Variants in DCC observed in about 807,000 individuals in gnomAD.
DCC encodes the protein netrin receptor DCC.
In DCC, 58 loss-of-function variants were observed where a neutral mutation model predicts 172.5. The ratio of observed to expected loss-of-function variants is 0.34; its 90% confidence interval spans 0.27 to 0.42. DCC has a LOEUF of 0.42. Among genes scored for constraint, DCC ranks in the 10% least tolerant of loss-of-function variants. The pLI is 1.00. For synonymous variants in DCC, 709 were observed against 644.5 expected, an observed-to-expected ratio of 1.10 and a Z score of -1.52; for missense variants, 1,740 against 1,791.0, an observed-to-expected ratio of 0.97 and a Z score of 0.51.
At chr18:53,259,897 G>A (rs1024078939) in intron 12 of DCC, among the ~76,000 whole-genome samples, 2 of 42,728 alleles carry the variant, frequency 4.7e-5, no homozygotes, top group Non-Finnish European at 5.9e-5. Context: ...TTTCTTGGAG[G>A]CTTTGTTCTT....
At chr18:53,290,641 T>C (rs2056991874) in intron 12 of DCC, among the ~76,000 whole-genome samples, 1 of 148,040 alleles carries the variant, frequency 6.8e-6, no homozygotes, top group Non-Finnish European at 1.5e-5. Context: ...TGTGGTTTCA[T>C]AAAAAAAAAA....
chr18:52,413,294 A>G (rs1367303037), intron 1 of DCC, among the ~76,000 whole-genome samples: 5 of 151,202 alleles, frequency 3.3e-5, no homozygotes, highest in Non-Finnish European at 5.9e-5. Flanking sequence ...ACTATACTAG[A>G]TAGAAAAAGA....
At chr18:52,752,996 C>CAT (rs2037021190) in intron 2 of DCC, among the ~76,000 whole-genome samples, 1 of 147,394 alleles carries the variant, frequency 6.8e-6, no homozygotes, top group African/African-American at 2.7e-5. Flanking sequence ...TATACACACA[C>CAT]ACACATATAT....
At position 53,450,644 on chromosome 18, in the gene DCC, C is replaced by A. The variant is rs765644105; in HGVS notation, c.3374C>A (p.Ser1125Tyr). The stretch of plus-strand genomic sequence containing the variant: ...GTGGCTGTGATTTGCACCCGACGCT[C>A]TTCAGCCCAGCAGAGAAAGTAGGTA... ...VIVAVICTRR[S>Y]SAQQRKKRAT... The change falls in exon 23 of 29, where the codon TCT (serine) becomes TAT (tyrosine). Residue 1125 changes from serine to tyrosine, a missense_variant. Coordinates refer to ENST00000442544, the MANE Select transcript of DCC (RefSeq NM_005215.4). The A allele has an allele frequency of 6.2e-7, 1 of 1,613,736 alleles. No individual in the cohort carries two copies. The highest frequency in any genetic ancestry group is 1.3e-5 in the African/African-American group (1 of 75,018).
chr18:52,789,891 C>A (rs1007388079), intron 2 of DCC, among the ~76,000 whole-genome samples: 1 of 152,110 alleles, frequency 6.6e-6, no homozygotes, highest in Admixed American at 6.6e-5. Context: ...TGTCTGGGGA[C>A]CAGACCAAGA....
intron 1 of DCC, among the ~76,000 whole-genome samples, chr18:52,600,617 T>C (rs1266311090): frequency 6.6e-6 from 1 of 152,212 alleles, no homozygotes; most frequent in Non-Finnish European, 1.5e-5. Flanking sequence ...CCATTGACTC[T>C]TTTTATAGAT....
chr18:52,523,524 A>G lies in DCC; in HGVS notation c.91+182646A>G, dbSNP rs181819507. The stretch of plus-strand genomic sequence containing the variant: ...AAAAATCAAAAAATATAGAAACATA[A>G]AAAAGCATCCATTAGAAGTTTAAAT... On this transcript the variant is annotated intron_variant, in intron 1 of 28. Coordinates refer to ENST00000442544, the MANE Select transcript of DCC (RefSeq NM_005215.4). Among the ~76,000 whole-genome samples, 7 of 152,334 alleles carry G rather than the reference A, an allele frequency of 4.6e-5. No homozygotes were observed. In the East Asian group the frequency reaches 1.3e-3, roughly 29 times the overall value.
intron 5 of DCC, among the ~76,000 whole-genome samples, chr18:52,977,590 G>A (rs2041138531): frequency 6.6e-6 from 1 of 152,092 alleles, no homozygotes; most frequent in Non-Finnish European, 1.5e-5. Context: ...ATGCTTTCAA[G>A]AAAAGCATAT....
At chr18:52,801,503 C>G (rs1453395827) in intron 2 of DCC, among the ~76,000 whole-genome samples, 1 of 152,060 alleles carries the variant, frequency 6.6e-6, no homozygotes, top group East Asian at 1.9e-4. Flanking sequence ...TTAAAAATTT[C>G]CAAAAGAAGA....
intron 8 of DCC, among the ~76,000 whole-genome samples, chr18:53,166,158 A>AG (rs1264559259): frequency 6.6e-6 from 1 of 152,108 alleles, no homozygotes; most frequent in African/African-American, 2.4e-5. Context: ...ATGAATGGTG[A>AG]GGGAGTAGGG....
intron 5 of DCC, among the ~76,000 whole-genome samples, chr18:52,942,674 C>T (rs892363267): frequency 6.6e-6 from 1 of 152,084 alleles, no homozygotes; most frequent in Non-Finnish European, 1.5e-5. Flanking sequence ...TATTCACTAC[C>T]GTGAAAACAG....
chr18:52,576,625 C>T (rs1348651314), intron 1 of DCC, among the ~76,000 whole-genome samples: 3 of 151,506 alleles, frequency 2.0e-5, no homozygotes, highest in Non-Finnish European at 4.4e-5. Flanking sequence ...GTCAGGAGAT[C>T]GAGACCATCC....
chr18:52,919,939 G>T (rs553719080), intron 3 of DCC, among the ~76,000 whole-genome samples: 1 of 146,752 alleles, frequency 6.8e-6, no homozygotes, highest in Admixed American at 7.0e-5. Context: ...ACAGTCAACT[G>T]ATCTTTGAGC....
intron 13 of DCC, among the ~76,000 whole-genome samples, chr18:53,320,784 G>A (rs2057402398): frequency 6.6e-6 from 1 of 152,032 alleles, no homozygotes; most frequent in Admixed American, 6.6e-5. Flanking sequence ...ACTATTGTGG[G>A]CCCTATGAAT....
chr18:53,502,960 G>A (rs1436396888), intron 27 of DCC, among the ~76,000 whole-genome samples: 1 of 151,948 alleles, frequency 6.6e-6, no homozygotes, highest in Non-Finnish European at 1.5e-5. Flanking sequence ...CATCACCTAG[G>A]TATTAAGCCC....
intron 7 of DCC, among the ~76,000 whole-genome samples, chr18:53,123,832 C>G (rs1440209354): frequency 6.6e-6 from 1 of 152,032 alleles, no homozygotes; most frequent in African/African-American, 2.4e-5. Context: ...CGTTTTCTTG[C>G]TATACCCGTC....
chr18:53,329,098 G>T (rs188741352), intron 14 of DCC, among the ~76,000 whole-genome samples: 1 of 152,042 alleles, frequency 6.6e-6, no homozygotes, highest in African/African-American at 2.4e-5. Context: ...TGAAGAGGGC[G>T]TTTTGTGGAA....
chr18:53,074,658 A>G (rs935391019), intron 7 of DCC, among the ~76,000 whole-genome samples: 1 of 152,166 alleles, frequency 6.6e-6, no homozygotes, highest in African/African-American at 2.4e-5. Flanking sequence ...CGTTAGAGAA[A>G]TGTTGACACC....
chr18:52,543,283 CATT>C (rs2144707666), intron 1 of DCC, among the ~76,000 whole-genome samples: 1 of 152,216 alleles, frequency 6.6e-6, no homozygotes, highest in South Asian at 2.1e-4. Flanking sequence ...AAAATGTTAT[CATT>C]TCAACATTAA....
Sources: gnomAD v4.1 joint callset for allele counts (sites outside exome capture counted in the v4.1 genomes callset) on GRCh38, gnomAD v4.1.1 for gene constraint, MANE v1.5 for transcripts, NCBI Gene and HGNC (gene_info 2026-07-23, HGNC 2026-07-21) for gene names.